FRMD4B: variants seen among roughly 807,000 people sequenced by gnomAD.
FRMD4B encodes the protein FERM domain-containing protein 4B.
Under a neutral mutation model 141.5 loss-of-function variants are expected in FRMD4B, and 74 were observed. The ratio of observed to expected loss-of-function variants is 0.52; its 90% CI spans 0.43 to 0.63. FRMD4B has a LOEUF of 0.63. Ranked by LOEUF, FRMD4B falls within the 30% of genes least tolerant of loss-of-function variation. The pLI, the probability that FRMD4B is intolerant of heterozygous loss-of-function variation, is 0.00. For synonymous variants in FRMD4B, 506 were observed against 467.9 expected, an observed-to-expected ratio of 1.08 and a Z score of -1.05; for missense variants, 1,366 against 1,253.4, an observed-to-expected ratio of 1.09 and a Z score of -1.36.
chr3:69,322,973 T>A (rs1480542381), intron 1 of FRMD4B: 4 of 896,812 alleles, frequency 4.5e-6, no homozygotes, highest in Non-Finnish European at 5.3e-6. Context: ...TTGGGTAGAA[T>A]CTCAGGTTCC....
At chr3:69,200,955 A>G in intron 11 of FRMD4B, 1 of 432,896 alleles carries the variant, frequency 2.3e-6, no homozygotes, top group South Asian at 1.6e-5. Context: ...CTTATCACTT[A>G]CAAATGTGAA....
At chr3:69,466,066 C>CT (rs998601892) in intron 1 of FRMD4B, among the ~76,000 whole-genome samples, 67 of 150,232 alleles carry the variant, frequency 4.5e-4, no homozygotes, top group African/African-American at 1.3e-3. Context: ...TGTTTCCTGA[C>CT]TTTTTTTTTT....
intron 5 of FRMD4B, among the ~76,000 whole-genome samples, chr3:69,276,727 G>A (rs892544637): frequency 6.6e-6 from 1 of 152,174 alleles, no homozygotes. Context: ...CAATTTGGGG[G>A]GCTGAGGTGG....
intron 1 of FRMD4B, among the ~76,000 whole-genome samples, chr3:69,454,599 T>C (rs1342865504): frequency 6.6e-6 from 1 of 152,098 alleles, no homozygotes; most frequent in African/African-American, 2.4e-5. Context: ...CTGCGGAGGG[T>C]GTGCCGGGTC....
chr3:69,254,475 A>G (rs2106810664), intron 5 of FRMD4B, among the ~76,000 whole-genome samples: 1 of 152,146 alleles, frequency 6.6e-6, no homozygotes, highest in Middle Eastern at 3.4e-3. Context: ...AATCACAAAT[A>G]CCTCTCCATA....
intron 5 of FRMD4B, among the ~76,000 whole-genome samples, chr3:69,256,729 C>T (rs1033846157): frequency 6.6e-6 from 1 of 152,178 alleles, no homozygotes; most frequent in Non-Finnish European, 1.5e-5. Context: ...AAACATATTC[C>T]TCTGTGCTGA....
intron 1 of FRMD4B, among the ~76,000 whole-genome samples, chr3:69,355,898 A>G (rs944171443): frequency 6.6e-6 from 1 of 152,046 alleles, no homozygotes; most frequent in Non-Finnish European, 1.5e-5. Flanking sequence ...GGTGGCCGGC[A>G]CCTGTATTCC....
At chr3:69,367,856 C>T (rs563543195) in intron 1 of FRMD4B, among the ~76,000 whole-genome samples, 9 of 152,324 alleles carry the variant, frequency 5.9e-5, no homozygotes, top group African/African-American at 2.2e-4. Context: ...AAATATCTTA[C>T]ATTTTGACTG....
intron 14 of FRMD4B, 34 bp downstream of exon 14, chr3:69,196,221 A>T (rs1253243161): frequency 1.8e-5 from 28 of 1,515,792 alleles, no homozygotes; most frequent in Non-Finnish European, 2.4e-5. Context: ...CGAAATAAAG[A>T]TGGCTTGCAC....
intron 11 of FRMD4B, among the ~76,000 whole-genome samples, chr3:69,207,611 CA>C (rs1252381295): frequency 6.6e-6 from 1 of 152,072 alleles, no homozygotes; most frequent in Non-Finnish European, 1.5e-5. Context: ...AGATCGAAAC[CA>C]TCTTGGCCAA....
chr3:69,414,958 C>T (rs1044496336), intron 2 of FRMD4B, among the ~76,000 whole-genome samples: 6 of 151,172 alleles, frequency 4.0e-5, no homozygotes, highest in South Asian at 2.1e-4. Context: ...CTCCGCCTCC[C>T]GGGTTCAAAC....
chr3:69,315,829 G>A (rs1034864301), intron 1 of FRMD4B, among the ~76,000 whole-genome samples: 1 of 152,166 alleles, frequency 6.6e-6, no homozygotes, highest in African/African-American at 2.4e-5. Flanking sequence ...GAAAAGCAGG[G>A]GCAACATTTT....
chr3:69,409,322 G>T (rs1240941316), intron 2 of FRMD4B, among the ~76,000 whole-genome samples: 1 of 152,188 alleles, frequency 6.6e-6, no homozygotes, highest in Non-Finnish European at 1.5e-5. Flanking sequence ...TTTCCAACAA[G>T]AATTCATTTC....
At chr3:69,186,246 C>CTTT (rs58174388) in intron 19 of FRMD4B, among the ~76,000 whole-genome samples, 1 of 89,624 alleles carries the variant, frequency 1.1e-5, no homozygotes, top group Non-Finnish European at 2.3e-5. Flanking sequence ...TTTCTTTTTC[C>CTTT]TTTTTTTTTT....
At chr3:69,173,699 G>A (rs959298787) in intron 22 of FRMD4B, among the ~76,000 whole-genome samples, 5 of 152,046 alleles carry the variant, frequency 3.3e-5, no homozygotes, top group Admixed American at 1.3e-4. Flanking sequence ...CTCCGTGGCT[G>A]GAAAGGCAAA....
intron 1 of FRMD4B, among the ~76,000 whole-genome samples, chr3:69,326,083 G>C (rs1365507158): frequency 6.6e-6 from 1 of 151,118 alleles, no homozygotes; most frequent in African/African-American, 2.4e-5. Context: ...CAAGTAAATG[G>C]AACTACAGGT....
intron 1 of FRMD4B, among the ~76,000 whole-genome samples, chr3:69,508,633 T>TTC (rs1192959311): frequency 6.6e-6 from 1 of 152,198 alleles, no homozygotes. Flanking sequence ...TGGAGGAATA[T>TTC]TCTACCATTA....
intron 1 of FRMD4B, among the ~76,000 whole-genome samples, chr3:69,531,662 A>G (rs1701010633): frequency 6.6e-6 from 1 of 152,248 alleles, no homozygotes; most frequent in African/African-American, 2.4e-5. Flanking sequence ...ACCTTTGCTG[A>G]CAAACTGCCA....
chr3:69,464,152 C>T (rs757262875), intron 1 of FRMD4B, among the ~76,000 whole-genome samples: 1 of 152,198 alleles, frequency 6.6e-6, no homozygotes, highest in Non-Finnish European at 1.5e-5. Flanking sequence ...CTAAGGCTGA[C>T]TTTCTGAATA....
Sources: allele counts gnomAD v4.1 joint callset (sites outside exome capture counted in the v4.1 genomes callset), GRCh38; gene constraint gnomAD v4.1.1; transcripts MANE v1.5; gene names NCBI Gene and HGNC (gene_info 2026-07-23, HGNC 2026-07-21).